PID1: variants seen among roughly 807,000 people sequenced by gnomAD.
PID1 encodes the protein phosphotyrosine interaction domain containing 1.
A neutral mutation model predicts 19.1 loss-of-function variants in PID1; 10 were observed. The observed-to-expected ratio is 0.52, with a 90% CI of 0.32 to 0.89. PID1 has a LOEUF of 0.89. PID1 is among the 40% of genes least tolerant of loss of function. PID1 has a pLI of 0.03. For missense variants in PID1, 248 were observed against 285.3 expected (o/e 0.87, Z 0.94); for synonymous variants, 130 against 116.0 (o/e 1.12, Z -0.78).
At chr2:229,174,813 C>T (rs1690785561) in intron 1 of PID1, among the ~76,000 whole-genome samples, 2 of 152,004 alleles carry the variant, frequency 1.3e-5, no homozygotes, top group African/African-American at 2.4e-5. Flanking sequence ...CTCATAGAGG[C>T]AAAGGTAAAC....
chr2:229,067,529 T>C (rs1325914977), intron 2 of PID1, among the ~76,000 whole-genome samples: 1 of 152,042 alleles, frequency 6.6e-6, no homozygotes, highest in African/African-American at 2.4e-5. Flanking sequence ...TTTACTCCCA[T>C]AGCCCCACCA....
At chr2:229,033,930 G>T (rs1420998067) in intron 2 of PID1, among the ~76,000 whole-genome samples, 1 of 152,180 alleles carries the variant, frequency 6.6e-6, no homozygotes. Flanking sequence ...AAAAGGCAAA[G>T]GGTGCAACAT....
At chr2:229,076,112 C>T (rs1014584817) in intron 2 of PID1, among the ~76,000 whole-genome samples, 1 of 152,204 alleles carries the variant, frequency 6.6e-6, no homozygotes, top group East Asian at 1.9e-4. Flanking sequence ...TTAGTCCATA[C>T]CAGACCTTCT....
intron 1 of PID1, among the ~76,000 whole-genome samples, chr2:229,162,599 A>G (rs747064556): frequency 1.3e-5 from 2 of 152,240 alleles, no homozygotes. Flanking sequence ...AGAGAACCAC[A>G]AGGAACAATT....
At chr2:229,054,377 C>T (rs1360139924) in intron 2 of PID1, among the ~76,000 whole-genome samples, 2 of 152,082 alleles carry the variant, frequency 1.3e-5, no homozygotes, top group Non-Finnish European at 2.9e-5. Context: ...GTGATGCTGA[C>T]AATGGAAGCG....
chr2:229,125,141 G>T (rs966325745), intron 2 of PID1, among the ~76,000 whole-genome samples: 2 of 152,106 alleles, frequency 1.3e-5, no homozygotes, highest in Non-Finnish European at 2.9e-5. Flanking sequence ...GAGCAAAAAT[G>T]ATGTGTGTCT....
At chr2:229,149,824 G>A (rs1690210656) in intron 2 of PID1, among the ~76,000 whole-genome samples, 1 of 152,132 alleles carries the variant, frequency 6.6e-6, no homozygotes, top group African/African-American at 2.4e-5. Flanking sequence ...CTAGGTGAGG[G>A]GCTGGTGGGA....
intron 1 of PID1, among the ~76,000 whole-genome samples, chr2:229,179,682 C>CA (rs913881020): frequency 5.9e-5 from 9 of 151,860 alleles, no homozygotes; most frequent in South Asian, 2.1e-4. Flanking sequence ...ACAACAACAA[C>CA]AAAAAAAAGC....
At chr2:229,026,828 G>A (rs1693434576) in intron 2 of PID1, among the ~76,000 whole-genome samples, 2 of 152,182 alleles carry the variant, frequency 1.3e-5, no homozygotes, top group South Asian at 2.1e-4. Context: ...TAGGTAGGCA[G>A]TATGAAAACT....
chr2:229,152,522 G>T (rs952309127), intron 2 of PID1, among the ~76,000 whole-genome samples: 5 of 152,126 alleles, frequency 3.3e-5, no homozygotes, highest in Non-Finnish European at 5.9e-5. Flanking sequence ...ATTCCATCTT[G>T]CTAGATAGGA....
At chr2:229,155,686 T>C (rs1252337223) in intron 2 of PID1, 132 bp downstream of exon 2, 2 of 772,928 alleles carry the variant, frequency 2.6e-6, no homozygotes, top group Admixed American at 6.2e-5. Context: ...CATCACTCTG[T>C]GAATTTATTT....
At chr2:229,054,721 G>GTGT (rs1266888214) in intron 2 of PID1, among the ~76,000 whole-genome samples, 25 of 29,170 alleles carry the variant, frequency 8.6e-4, no homozygotes, top group African/African-American at 3.1e-3. Flanking sequence ...TGTGTGTGTG[G>GTGT]GGGGGGGGGG....
At chr2:229,199,923 A>G (rs1356090357) in intron 1 of PID1, among the ~76,000 whole-genome samples, 4 of 152,006 alleles carry the variant, frequency 2.6e-5, no homozygotes, top group African/African-American at 9.7e-5. Flanking sequence ...GTTTCTACAT[A>G]TATGTGTGTG....
chr2:229,025,452 G>A lies in PID1; in HGVS notation c.*180C>T, dbSNP rs750933800. 1 of 603,412 alleles carries A rather than the reference G, an allele frequency of 1.7e-6. No individual in the cohort carries two copies. The highest frequency in any genetic ancestry group is 2.9e-6 in the Non-Finnish European group (1 of 339,094). 37.4% of individuals were successfully genotyped at this position (603,412 alleles called of 1,614,324 possible). On this transcript the variant is annotated 3_prime_UTR_variant, in exon 3 of 3. Transcript: ENST00000392055. The stretch of plus-strand genomic sequence containing the variant: ...AGTCACAGCAGCAGCAGGTTTCAAT[G>A]TAACGTAATTACTTTAATGATACAT...
chr2:229,250,814 C>T (rs763300759), intron 1 of PID1, among the ~76,000 whole-genome samples: 5 of 152,084 alleles, frequency 3.3e-5, no homozygotes, highest in African/African-American at 9.7e-5. Context: ...CCCTTTACAG[C>T]GTCTTAGGAT....
chr2:229,169,053 G>A (rs1690658763), intron 1 of PID1, among the ~76,000 whole-genome samples: 1 of 152,096 alleles, frequency 6.6e-6, no homozygotes. Flanking sequence ...CTCTTGCCTT[G>A]TCTCCAAAGG....
intron 2 of PID1, among the ~76,000 whole-genome samples, chr2:229,113,491 T>C (rs1339115152): frequency 8.4e-6 from 1 of 118,828 alleles, no homozygotes; most frequent in African/African-American, 3.3e-5. Context: ...TATATATACA[T>C]GTATGTGTGT....
chr2:229,082,273 A>G (rs1164433926), intron 2 of PID1, among the ~76,000 whole-genome samples: 1 of 152,238 alleles, frequency 6.6e-6, no homozygotes, highest in Non-Finnish European at 1.5e-5. Context: ...ACCACCAGTC[A>G]GTTAAAAACA....
chr2:229,264,473 A>ACCT (rs1574769346), intron 1 of PID1, among the ~76,000 whole-genome samples: 2 of 152,254 alleles, frequency 1.3e-5, no homozygotes, highest in East Asian at 3.9e-4. Flanking sequence ...GCCACAAGGT[A>ACCT]TGTGGCCCCC....
Sources: gnomAD v4.1 joint callset for allele counts (sites outside exome capture counted in the v4.1 genomes callset) on GRCh38, gnomAD v4.1.1 for gene constraint, MANE v1.5 for transcripts, NCBI Gene and HGNC (gene_info 2026-07-23, HGNC 2026-07-21) for gene names.